Variants in ANAPC10 observed in about 807,000 individuals in gnomAD.
The protein encoded by ANAPC10 is anaphase promoting complex subunit 10.
A neutral mutation model predicts 22.0 loss-of-function variants in ANAPC10; 12 were observed. The observed-to-expected ratio is 0.55, with a 90% CI of 0.35 to 0.88. ANAPC10 has a LOEUF of 0.88. ANAPC10 is among the 40% of genes least tolerant of loss of function. The probability of loss-of-function intolerance (pLI) is 0.01; values close to 1 mark genes in which losing one functional copy is unlikely to be tolerated. For synonymous variants in ANAPC10, 65 were observed against 69.5 expected, an observed-to-expected ratio of 0.94 and a Z score of 0.32; for missense variants, 188 against 220.9, an observed-to-expected ratio of 0.85 and a Z score of 0.94.
At chr4:145,009,848 T>C (rs573913818) in intron 4 of ANAPC10, among the ~76,000 whole-genome samples, 1 of 152,130 alleles carries the variant, frequency 6.6e-6, no homozygotes, top group Non-Finnish European at 1.5e-5. Context: ...AAAGAGCTTC[T>C]GCACAGCAAA....
chr4:145,073,210 ACAT>A (rs776654197), intron 3 of ANAPC10, among the ~76,000 whole-genome samples: 4 of 152,206 alleles, frequency 2.6e-5, no homozygotes, highest in Non-Finnish European at 5.9e-5. Flanking sequence ...TTTTTAAATG[ACAT>A]CAGCACTTTA....
At chr4:145,009,221 T>G (rs1279265976) in intron 4 of ANAPC10, among the ~76,000 whole-genome samples, 1 of 152,014 alleles carries the variant, frequency 6.6e-6, no homozygotes, top group Non-Finnish European at 1.5e-5. Flanking sequence ...TGCTCATGGA[T>G]AGGAAGAATC....
chr4:145,007,257 C>T (rs1472959306), intron 4 of ANAPC10, among the ~76,000 whole-genome samples: 1 of 152,082 alleles, frequency 6.6e-6, no homozygotes, highest in Admixed American at 6.6e-5. Context: ...CAAGGATATT[C>T]AGGACTTGAA....
chr4:145,017,528 T>C (rs1735365763), intron 4 of ANAPC10, among the ~76,000 whole-genome samples: 1 of 152,200 alleles, frequency 6.6e-6, no homozygotes, highest in Non-Finnish European at 1.5e-5. Context: ...GGTCAGACTG[T>C]GAACTAGTTC....
intron 4 of ANAPC10, among the ~76,000 whole-genome samples, chr4:144,998,766 T>G (rs939155868): frequency 5.3e-5 from 8 of 151,598 alleles, no homozygotes; most frequent in African/African-American, 1.9e-4. Flanking sequence ...ATAACTAAGA[T>G]CAGAGCAGGA....
chr4:145,072,898 G>GTT (rs142772988), intron 3 of ANAPC10, among the ~76,000 whole-genome samples: 11 of 136,618 alleles, frequency 8.1e-5, no homozygotes, highest in South Asian at 2.4e-4. Flanking sequence ...TTACGTATCT[G>GTT]TTTTTTTTTT....
At chr4:145,046,406 T>C (rs1740303675) in intron 4 of ANAPC10, among the ~76,000 whole-genome samples, 1 of 152,114 alleles carries the variant, frequency 6.6e-6, no homozygotes, top group Admixed American at 6.6e-5. Flanking sequence ...CTTTACTTTT[T>C]TAAATATAAC....
At chr4:145,098,402 G>A (rs553953920), upstream of ANAPC10, 2 of 152,386 alleles carry the variant, frequency 1.3e-5, no homozygotes, top group African/African-American at 2.4e-5. Flanking sequence ...CCCTCCGCAA[G>A]GGGATCGTTT....
intron 2 of ANAPC10, among the ~76,000 whole-genome samples, chr4:145,083,882 T>C (rs1746466165): frequency 6.6e-6 from 1 of 152,226 alleles, no homozygotes; most frequent in Non-Finnish European, 1.5e-5. Flanking sequence ...TTTATTAATA[T>C]TTATATTTTC....
At chr4:145,070,845 T>C (rs149688218) in intron 3 of ANAPC10, among the ~76,000 whole-genome samples, 8 of 152,288 alleles carry the variant, frequency 5.3e-5, no homozygotes, top group African/African-American at 1.7e-4. Flanking sequence ...TGCTACAACA[T>C]GAATGAACCT....
chr4:145,011,837 T>C lies in ANAPC10; in HGVS notation c.328-16234A>G, dbSNP rs117935791. On this transcript the variant is annotated intron_variant, in intron 4 of 4. Coordinates refer to ENST00000507656, the MANE Select transcript of ANAPC10 (RefSeq NM_001256706.2). ...GCCTCTGAGAAGCACAGCAGAGTTT[T>C]TGGCAATTTTTCAGGGCTAAGGAGG... Among the ~76,000 whole-genome samples, 46 of 152,232 alleles carry C rather than the reference T, an allele frequency of 3.0e-4. No homozygotes were observed. In the East Asian group the frequency reaches 5.8e-3, roughly 19 times the overall value.
intron 4 of ANAPC10, among the ~76,000 whole-genome samples, chr4:145,007,127 C>T (rs934653754): frequency 6.6e-6 from 1 of 152,148 alleles, no homozygotes; most frequent in Non-Finnish European, 1.5e-5. Context: ...CGGGAGCACC[C>T]AGATTCATAA....
intron 4 of ANAPC10, among the ~76,000 whole-genome samples, chr4:145,040,674 G>A (rs1371735714): frequency 6.6e-6 from 1 of 152,062 alleles, no homozygotes; most frequent in African/African-American, 2.4e-5. Context: ...AGCTAGCCAG[G>A]ATTTGAAAGT....
Position 144,995,466 on chromosome 4 carries a change from T to A in ANAPC10, c.465A>T (p.Gln155His). The change falls in exon 5 of 5, where the codon CAA (glutamine) becomes CAT (histidine). Residue 155 changes from glutamine to histidine, a missense_variant. Physicochemically the swap from Gln to His is conservative, Grantham distance 24. Coordinates refer to ENST00000507656, the MANE Select transcript of ANAPC10 (RefSeq NM_001256706.2). ...HQNGRDTHMR[Q>H]IKIYTPVEES... ...CTTCTACTGGTGTGTATATTTTAAT[T>A]TGTCTCATATGGGTGTCTCTTCCAT... 6.2e-7 allele frequency: 1 copy of A among 1,613,860 alleles called. No individual in the cohort carries two copies. Among genetic ancestry groups the A allele is most frequent in the Non-Finnish European group, 8.5e-7 (1 of 1,179,826 alleles).
At chr4:145,029,509 C>T (rs1296914979) in intron 4 of ANAPC10, among the ~76,000 whole-genome samples, 1 of 151,992 alleles carries the variant, frequency 6.6e-6, no homozygotes, top group Non-Finnish European at 1.5e-5. Flanking sequence ...ATCTAGAGAA[C>T]AAGCATGGGA....
At chr4:145,065,307 T>A (rs1743518504) in intron 3 of ANAPC10, among the ~76,000 whole-genome samples, 4 of 151,736 alleles carry the variant, frequency 2.6e-5, no homozygotes, top group Admixed American at 2.6e-4. Flanking sequence ...AAAATGCAAG[T>A]GGCCAACAAA....
chr4:145,052,392 T>G lies in ANAPC10; in HGVS notation c.327+12180A>C, dbSNP rs892575346. Among the ~76,000 whole-genome samples the G allele has an allele frequency of 3.9e-5, 6 of 152,290 alleles. No homozygotes were observed. In the East Asian group the frequency reaches 1.2e-3, roughly 29 times the overall value. On this transcript the variant is annotated intron_variant, in intron 4 of 4. Coordinates refer to ENST00000507656, the MANE Select transcript of ANAPC10 (RefSeq NM_001256706.2). ...AAATATACACAATTTTCTGTCAATTTAAAAAACTAAATTTAAAAATTAGTA... is the reference window on the plus strand; with the variant it reads ...AAATATACACAATTTTCTGTCAATTGAAAAAACTAAATTTAAAAATTAGTA...
intron 4 of ANAPC10, among the ~76,000 whole-genome samples, chr4:144,998,609 T>G (rs1435745894): frequency 6.6e-6 from 1 of 152,118 alleles, no homozygotes; most frequent in Non-Finnish European, 1.5e-5. Flanking sequence ...CTGGGACACA[T>G]GTAAAGCAGT....
At chr4:145,068,619 T>C (rs1007864059) in intron 3 of ANAPC10, among the ~76,000 whole-genome samples, 24 of 152,156 alleles carry the variant, frequency 1.6e-4, no homozygotes, top group African/African-American at 5.5e-4. Context: ...GGTATAAAAG[T>C]GAAAAATGGG....
Sources: gnomAD v4.1 joint callset for allele counts (sites outside exome capture counted in the v4.1 genomes callset) on GRCh38, gnomAD v4.1.1 for gene constraint, MANE v1.5 for transcripts, NCBI Gene and HGNC (gene_info 2026-07-23, HGNC 2026-07-21) for gene names.